The following RNF128 variants were observed in gnomAD, a reference collection of about 807,000 sequenced individuals.
RNF128 encodes the protein ring finger protein 128, also known as E3 ubiquitin-protein ligase RNF128.
A neutral mutation model predicts 26.2 loss-of-function variants in RNF128; 13 were observed. The ratio of observed to expected loss-of-function variants is 0.50; its 90% CI spans 0.32 to 0.79. The LOEUF (loss-of-function observed/expected upper bound fraction) is 0.79, where lower values mean the gene tolerates loss of function less well. Among genes scored for constraint, RNF128 ranks in the 30% least tolerant of loss-of-function variants. The pLI is 0.03. For missense variants in RNF128, 315 were observed against 349.7 expected, an observed-to-expected ratio of 0.90 and a Z score of 0.79; for synonymous variants, 149 against 142.5, an observed-to-expected ratio of 1.05 and a Z score of -0.32.
chrX:106,790,950 T>G, intron 5 of RNF128, 116 bp from the exon 6 acceptor site: 1 of 638,014 alleles, frequency 1.6e-6, no homozygotes, highest in Admixed American at 3.0e-5. Flanking sequence ...GATCATAGGT[T>G]TAAAAGGTTA....
intron 1 of RNF128, among the ~76,000 whole-genome samples, chrX:106,763,924 G>T (rs1930166285): frequency 1.1e-5 from 1 of 87,181 alleles, no homozygotes; most frequent in Non-Finnish European, 2.1e-5. Flanking sequence ...GCCTATCCTT[G>T]TTTTTTGGTT....
intron 1 of RNF128, among the ~76,000 whole-genome samples, chrX:106,743,002 A>G (rs1929729236): frequency 9.0e-6 from 1 of 111,184 alleles, no homozygotes; most frequent in East Asian, 2.8e-4. Context: ...AAAGCACTTC[A>G]ACAGCATACC....
At chrX:106,785,513 G>T (rs1930640667) in intron 3 of RNF128, among the ~76,000 whole-genome samples, 1 of 111,327 alleles carries the variant, frequency 9.0e-6, no homozygotes, top group South Asian at 3.8e-4. Flanking sequence ...GAAGCAAGAG[G>T]GTGGGGTGAT....
At chrX:106,754,587 G>C (rs1369687728) in intron 1 of RNF128, among the ~76,000 whole-genome samples, 2 of 108,177 alleles carry the variant, frequency 1.8e-5, no homozygotes, top group Non-Finnish European at 3.8e-5. Context: ...GAAATATCAA[G>C]CATCTTCTCT....
intron 1 of RNF128, among the ~76,000 whole-genome samples, chrX:106,750,413 A>G (rs1929862384): frequency 8.9e-6 from 1 of 112,173 alleles, no homozygotes; most frequent in Non-Finnish European, 1.9e-5. Context: ...TTCACTTACT[A>G]GCTTGTGTTA....
At chrX:106,766,080 A>G (rs186928404) in intron 1 of RNF128, among the ~76,000 whole-genome samples, 7 of 111,574 alleles carry the variant, frequency 6.3e-5, no homozygotes, top group South Asian at 7.6e-4. Context: ...ATTCCATGGT[A>G]TATATGTGCC....
intron 1 of RNF128, among the ~76,000 whole-genome samples, chrX:106,769,800 A>C (rs767829071): frequency 1.2e-4 from 13 of 110,630 alleles, no homozygotes; most frequent in African/African-American, 3.3e-5. Flanking sequence ...TTATGATGTT[A>C]GCTGGTTATT....
rs565337949 is a variant in RNF128, at chrX:106,771,644, C to T, written c.485-1269C>T. Among the ~76,000 whole-genome samples the T allele has an allele frequency of 7.1e-5, 8 of 112,612 alleles. No individual in the cohort carries two copies. The South Asian group carries it at 1.8e-3, about 26-fold the overall frequency. ...TGGGAGTGTCCCGATTTTCCAGGTA[C>T]GGTCTGTCACGGCTTCCCTTTGCTA... On this transcript the variant is annotated intron_variant, in intron 1 of 6. Transcript: ENST00000255499.
intron 1 of RNF128, among the ~76,000 whole-genome samples, chrX:106,740,397 G>T (rs1160886890): frequency 9.0e-6 from 1 of 111,273 alleles, no homozygotes; most frequent in African/African-American, 3.3e-5. Flanking sequence ...AGTTCCACCT[G>T]GTCTGAAAGG....
intron 1 of RNF128, among the ~76,000 whole-genome samples, chrX:106,743,088 C>G (rs781766181): frequency 1.1e-4 from 12 of 111,308 alleles, no homozygotes; most frequent in Non-Finnish European, 1.9e-4. Context: ...TCAAACAACT[C>G]TTTAACTTGA....
intron 1 of RNF128, among the ~76,000 whole-genome samples, chrX:106,734,878 GTTATTTTA>G (rs1333574270): frequency 3.6e-5 from 4 of 111,960 alleles, no homozygotes; most frequent in African/African-American, 1.3e-4. Flanking sequence ...CTGCACTGGG[GTTATTTTA>G]TGGTGGTGAT....
intron 1 of RNF128, among the ~76,000 whole-genome samples, chrX:106,698,117 A>C (rs1211142604): frequency 9.5e-6 from 1 of 104,835 alleles, no homozygotes; most frequent in Non-Finnish European, 1.9e-5. Context: ...CTAGAGATGC[A>C]AGAAAATTCA....
In RNF128 at chrX:106,726,851, G is replaced by A; in HGVS notation, c.-63G>A. 1 of 1,112,291 alleles carries A rather than the reference G, an allele frequency of 9.0e-7. No homozygotes were observed. 91.7% of individuals were successfully genotyped at this position (1,112,291 alleles called of 1,213,427 possible). A position where few individuals can be genotyped will look rare whatever the true frequency, so the allele number is the denominator to read the frequency against. On this transcript the variant is annotated 5_prime_UTR_variant, in exon 1 of 7. Coordinates refer to ENST00000255499, the MANE Select transcript of RNF128 (RefSeq NM_194463.2). ...TGGCGCGCACCTGCTCAAGACCAGG[G>A]TCCTGCCAAGCGCTAGGAGGGCGCG...
At chrX:106,732,556 G>C (rs1276082012) in intron 1 of RNF128, among the ~76,000 whole-genome samples, 2 of 111,366 alleles carry the variant, frequency 1.8e-5, no homozygotes, top group Non-Finnish European at 3.8e-5. Context: ...AAGGTCTGCT[G>C]TCTGATAGAT....
At chrX:106,698,881 C>G (rs1401041014) in intron 1 of RNF128, among the ~76,000 whole-genome samples, 2 of 111,246 alleles carry the variant, frequency 1.8e-5, no homozygotes, top group Non-Finnish European at 3.8e-5. Context: ...TCCTCTCACT[C>G]CCTCCTCTTC....
upstream of RNF128, among the ~76,000 whole-genome samples, chrX:106,726,215 C>G (rs1929389571): frequency 9.0e-6 from 1 of 111,233 alleles, no homozygotes; most frequent in African/African-American, 3.3e-5. Flanking sequence ...GAGAAAGGTG[C>G]CATTTGAAGT....
chrX:106,733,279 A>T (rs1005192520), intron 1 of RNF128, among the ~76,000 whole-genome samples: 18 of 111,208 alleles, frequency 1.6e-4, no homozygotes, highest in African/African-American at 5.5e-4. Context: ...ATGACTATAT[A>T]GCTTGATCAG....
chrX:106,715,919 C>T (rs1929208970), intron 1 of RNF128, among the ~76,000 whole-genome samples: 1 of 111,239 alleles, frequency 9.0e-6, no homozygotes, highest in South Asian at 3.8e-4. Flanking sequence ...CAGTCCACTG[C>T]CCAGTGAATC....
At chrX:106,700,733 T>A (rs1469878513) in intron 1 of RNF128, among the ~76,000 whole-genome samples, 1 of 111,942 alleles carries the variant, frequency 8.9e-6, no homozygotes, top group African/African-American at 3.2e-5. Flanking sequence ...ACTTTTTCTA[T>A]TCATTTTTGC....
Sources: allele counts gnomAD v4.1 joint callset (sites outside exome capture counted in the v4.1 genomes callset), GRCh38; gene constraint gnomAD v4.1.1; transcripts MANE v1.5; gene names NCBI Gene and HGNC (gene_info 2026-07-23, HGNC 2026-07-21).